PARP8: variants seen among roughly 807,000 people sequenced by gnomAD.
The protein encoded by PARP8 is protein mono-ADP-ribosyltransferase PARP8.
In PARP8, 51 loss-of-function variants were observed where a neutral mutation model predicts 124.1. The ratio of observed to expected loss-of-function variants is 0.41; its 90% confidence interval spans 0.33 to 0.52. The LOEUF (loss-of-function observed/expected upper bound fraction) is 0.52. PARP8 is among the 20% of genes least tolerant of loss of function. The pLI is 0.21. For missense variants in PARP8, 860 were observed against 1,018.9 expected, an observed-to-expected ratio of 0.84 and a Z score of 2.12; for synonymous variants, 391 against 361.5, an observed-to-expected ratio of 1.08 and a Z score of -0.93.
chr5:50,730,613 C>T (rs925271275), intron 2 of PARP8, among the ~76,000 whole-genome samples: 1 of 152,096 alleles, frequency 6.6e-6, no homozygotes, highest in Non-Finnish European at 1.5e-5. Flanking sequence ...CACAGCCAAA[C>T]CATTTCACAA....
chr5:50,783,061 G>A lies in PARP8; in HGVS notation c.670+4411G>A, dbSNP rs530503080. On this transcript the variant is annotated intron_variant, in intron 9 of 25. Coordinates refer to ENST00000281631, the MANE Select transcript of PARP8 (RefSeq NM_024615.4). ...TGTAGGAGTTAGGGCCACAGAAATA[G>A]GACATGTCTGGTAAAGAGCTGCAAC... Among the ~76,000 whole-genome samples, 9 of 151,970 alleles carry A rather than the reference G, an allele frequency of 5.9e-5. No individual in the cohort carries two copies. The South Asian group carries it at 1.9e-3, about 32-fold the overall frequency.
At chr5:50,779,364 T>C (rs998518355) in intron 9 of PARP8, among the ~76,000 whole-genome samples, 1 of 152,180 alleles carries the variant, frequency 6.6e-6, no homozygotes, top group Non-Finnish European at 1.5e-5. Flanking sequence ...CAGTCTCCCA[T>C]GATTTGCAGT....
intron 2 of PARP8, among the ~76,000 whole-genome samples, chr5:50,685,946 A>G (rs1288922363): frequency 6.6e-6 from 1 of 152,182 alleles, no homozygotes; most frequent in East Asian, 1.9e-4. Context: ...GAAATTCAAG[A>G]TGAGATTTGG....
intron 25 of PARP8, 102 bp from the exon 26 acceptor site, chr5:50,841,864 A>G: frequency 1.3e-6 from 1 of 746,182 alleles, no homozygotes; most frequent in Non-Finnish European, 2.1e-6. Context: ...TTTGCTTTTG[A>G]TTCTCTTGGG....
chr5:50,813,907 A>T (rs1163675388), intron 14 of PARP8, among the ~76,000 whole-genome samples: 1 of 152,140 alleles, frequency 6.6e-6, no homozygotes, highest in African/African-American at 2.4e-5. Flanking sequence ...TTCAGATAAA[A>T]ACTAGTCATA....
chr5:50,709,772 A>G (rs1344077829), intron 2 of PARP8, among the ~76,000 whole-genome samples: 1 of 151,612 alleles, frequency 6.6e-6, no homozygotes, highest in East Asian at 1.9e-4. Flanking sequence ...GAGAAAAGAA[A>G]AAGACCAAGG....
At chr5:50,778,185 T>A (rs1183543359) in intron 8 of PARP8, 56 bp downstream of exon 8, 1 of 1,284,906 alleles carries the variant, frequency 7.8e-7, no homozygotes, top group Admixed American at 2.3e-5. Flanking sequence ...TTTTATTTTA[T>A]TTTTGGGGGA....
chr5:50,785,233 T>TA (rs1383829016), intron 9 of PARP8, among the ~76,000 whole-genome samples: 1 of 152,178 alleles, frequency 6.6e-6, no homozygotes, highest in Non-Finnish European at 1.5e-5. Flanking sequence ...TTTATTTTGA[T>TA]AAATATTAAC....
intron 2 of PARP8, among the ~76,000 whole-genome samples, chr5:50,749,566 T>G (rs1285549666): frequency 6.6e-6 from 1 of 152,116 alleles, no homozygotes; most frequent in Non-Finnish European, 1.5e-5. Flanking sequence ...ATTTAAAAAT[T>G]ATTTTGAAAC....
intron 7 of PARP8, among the ~76,000 whole-genome samples, chr5:50,767,768 A>G (rs1212380390): frequency 2.0e-5 from 3 of 152,208 alleles, no homozygotes; most frequent in Non-Finnish European, 2.9e-5. Flanking sequence ...TTCTTGGCCC[A>G]TTCACAAACA....
At chr5:50,713,614 G>T (rs1420166383) in intron 2 of PARP8, among the ~76,000 whole-genome samples, 3 of 151,428 alleles carry the variant, frequency 2.0e-5, no homozygotes, top group Non-Finnish European at 2.9e-5. Flanking sequence ...CAGAATAATG[G>T]CCACCAAGAT....
chr5:50,715,513 G>T (rs1157746071), intron 2 of PARP8, among the ~76,000 whole-genome samples: 1 of 151,626 alleles, frequency 6.6e-6, no homozygotes, highest in Non-Finnish European at 1.5e-5. Flanking sequence ...TGAGGATCTA[G>T]TATAAAAGCT....
At chr5:50,835,769 G>GT (rs371433285) in intron 25 of PARP8, among the ~76,000 whole-genome samples, 3,050 of 150,792 alleles carry the variant, frequency 0.02, 103 homozygotes, top group African/African-American at 0.069. Flanking sequence ...TCAATGTGGG[G>GT]TTTTTTTTTG....
At position 50,762,338 on chromosome 5, in the gene PARP8, C is replaced by T. The variant is rs987184039; in HGVS notation, c.423+440C>T. On this transcript the variant is annotated intron_variant, in intron 6 of 25. Transcript: ENST00000281631. ...ATCATTTGTTTATTTGTATTCACTG[C>T]CATTGAATTCTTGGTGTTGAAAAAT... 7.9e-5 allele frequency among the ~76,000 whole-genome samples: 12 copies of T among 152,026 alleles called. No individual in the cohort carries two copies. The Middle Eastern group carries it at 0.01, about 129-fold the overall frequency.
intron 2 of PARP8, among the ~76,000 whole-genome samples, chr5:50,746,477 A>C (rs1196931156): frequency 6.6e-6 from 1 of 152,170 alleles, no homozygotes; most frequent in East Asian, 1.9e-4. Flanking sequence ...TAAGCAATGG[A>C]GGAAACTGGG....
At chr5:50,784,045 A>G (rs1032634795) in intron 9 of PARP8, among the ~76,000 whole-genome samples, 2 of 152,222 alleles carry the variant, frequency 1.3e-5, no homozygotes. Flanking sequence ...GATTTAAAAA[A>G]TCGGTGATTT....
In PARP8 at chr5:50,832,783, A is replaced by T. The variant is rs756282671; in HGVS notation, c.2236A>T (p.Met746Leu). The change falls in exon 23 of 26, where the codon ATG (methionine) becomes TTG (leucine). Residue 746 changes from methionine (M) to leucine (L), a missense_variant and splice_region_variant. Met to Leu is a conservative substitution (Grantham distance 15). Around this residue, in one of 2 missense-constraint regions of PARP8, gnomAD observed 343 missense variants for 474.7 expected, o/e 0.72. Transcript: ENST00000281631. ...TATTATTTTGCCGATGTTTTCAGGG[A>T]TGAACAAGAAACAGAAGGTGTCAGC... ...MSSISFGYSGMNKKQKVSAKD... is the reference protein window; with the variant it reads ...MSSISFGYSGLNKKQKVSAKD... 9 of 1,613,394 alleles carry T rather than the reference A, an allele frequency of 5.6e-6. No individual in the cohort carries two copies. Among genetic ancestry groups the T allele is most frequent in the South Asian group, 1.1e-5 (1 of 91,076 alleles).
chr5:50,812,779 A>C (rs567194734), intron 14 of PARP8, among the ~76,000 whole-genome samples: 41 of 152,284 alleles, frequency 2.7e-4, no homozygotes, highest in African/African-American at 9.4e-4. Flanking sequence ...TATAAGGTGT[A>C]AGGAAGGGAT....
chr5:50,813,440 T>C (rs567797604), intron 14 of PARP8, among the ~76,000 whole-genome samples: 153 of 152,296 alleles, frequency 1.0e-3, no homozygotes, highest in African/African-American at 3.5e-3. Context: ...GCACATTGAT[T>C]TTGTATCCTG....
Sources: allele counts gnomAD v4.1 joint callset (sites outside exome capture counted in the v4.1 genomes callset), GRCh38; gene constraint gnomAD v4.1.1; regional missense constraint gnomAD v4.1.1; transcripts MANE v1.5; gene names NCBI Gene and HGNC (gene_info 2026-07-23, HGNC 2026-07-21).